NPSR1: variants seen among roughly 807,000 people sequenced by gnomAD.
NPSR1 encodes the protein neuropeptide S receptor.
A neutral mutation model predicts 46.9 loss-of-function variants in NPSR1; 48 were observed. That is an observed-to-expected ratio of 1.02 (90% CI 0.81 to 1.30). The LOEUF is 1.30. Among genes scored for constraint, NPSR1 ranks in the 50% most tolerant of loss-of-function variants. The pLI is 0.00. For missense variants in NPSR1, 450 were observed against 449.5 expected, an observed-to-expected ratio of 1.00 and a Z score of -0.01; for synonymous variants, 176 against 168.1, an observed-to-expected ratio of 1.05 and a Z score of -0.36.
At chr7:34,713,346 C>T (rs1346683481) in intron 2 of NPSR1, among the ~76,000 whole-genome samples, 2 of 151,780 alleles carry the variant, frequency 1.3e-5, no homozygotes, top group Non-Finnish European at 2.9e-5. Flanking sequence ...AGGAAAATGC[C>T]CAAAAATATT....
chr7:34,723,296 A>T (rs1034849996), intron 2 of NPSR1: 1 of 152,574 alleles, frequency 6.6e-6, no homozygotes, highest in Non-Finnish European at 1.5e-5. Context: ...TAGCAGAGTG[A>T]TGTCCCATTG....
chr7:34,786,145 G>A (rs1169302809), intron 3 of NPSR1, among the ~76,000 whole-genome samples: 1 of 152,076 alleles, frequency 6.6e-6, no homozygotes, highest in East Asian at 1.9e-4. Flanking sequence ...TTTCAAAATT[G>A]GAGTCAATTC....
intron 1 of NPSR1, among the ~76,000 whole-genome samples, chr7:34,672,611 A>G (rs1792115977): frequency 6.6e-6 from 1 of 152,240 alleles, no homozygotes; most frequent in East Asian, 1.9e-4. Context: ...TTCTGGTCAG[A>G]GTAGAAATGA....
At chr7:34,746,349 C>G (rs1227763966) in intron 2 of NPSR1, among the ~76,000 whole-genome samples, 1 of 152,196 alleles carries the variant, frequency 6.6e-6, no homozygotes, top group Non-Finnish European at 1.5e-5. Context: ...ACCCCATATT[C>G]ACATAACTTT....
intron 3 of NPSR1, chr7:34,779,609 C>A: frequency 1.6e-6 from 2 of 1,264,432 alleles, no homozygotes; most frequent in Admixed American, 3.8e-5. Flanking sequence ...TTCTTTTGTG[C>A]TCTGAATATA....
At chr7:34,845,437 T>G in intron 7 of NPSR1, 1 of 375,046 alleles carries the variant, frequency 2.7e-6, no homozygotes, top group Non-Finnish European at 5.2e-6. Flanking sequence ...TCCTGTCTTC[T>G]GCCCTTTCCT....
At chr7:34,784,898 T>A (rs1787390924) in intron 3 of NPSR1, among the ~76,000 whole-genome samples, 1 of 152,062 alleles carries the variant, frequency 6.6e-6, no homozygotes, top group African/African-American at 2.4e-5. Flanking sequence ...CTGGAGAGGA[T>A]GTGGAGAAAT....
chr7:34,759,259 A>C (rs1442254652), intron 2 of NPSR1, among the ~76,000 whole-genome samples: 1 of 151,764 alleles, frequency 6.6e-6, no homozygotes, highest in Non-Finnish European at 1.5e-5. Context: ...TCCTGTCTGA[A>C]TCAATGCTAT....
chr7:34,777,099 T>G (rs540127084), intron 2 of NPSR1, among the ~76,000 whole-genome samples: 1 of 152,278 alleles, frequency 6.6e-6, no homozygotes, highest in Admixed American at 6.5e-5. Flanking sequence ...CAGTAGTCCA[T>G]GTGCCTCCCC....
chr7:34,717,935 C>G (rs1309191069), intron 2 of NPSR1, among the ~76,000 whole-genome samples: 1 of 152,206 alleles, frequency 6.6e-6, no homozygotes, highest in Admixed American at 6.5e-5. Context: ...GGAAAAATGC[C>G]ACTGTGACCC....
At chr7:34,830,657 T>G (rs1423141672) in intron 5 of NPSR1, among the ~76,000 whole-genome samples, 1 of 152,222 alleles carries the variant, frequency 6.6e-6, no homozygotes, top group Non-Finnish European at 1.5e-5. Context: ...TTTTATTTTG[T>G]TTTTGATTAT....
In NPSR1 at chr7:34,771,159, A is replaced by G. The variant is rs566313599; in HGVS notation, c.281-7303A>G. On this transcript the variant is annotated intron_variant, in intron 2 of 8. Transcript: ENST00000360581. ...ACAGTGAAGATGCAGAAAGGGCGAG[A>G]TGCAGTGGCTCATACCTGTAATCCT... is the stretch of plus-strand genomic sequence containing the variant. Among the ~76,000 whole-genome samples, 6 of 152,258 alleles carry G rather than the reference A, an allele frequency of 3.9e-5. No individual in the cohort carries two copies. In the South Asian group the frequency reaches 1.2e-3, roughly 32 times the overall value.
chr7:34,815,209 G>A (rs911403675), intron 4 of NPSR1, among the ~76,000 whole-genome samples: 1 of 152,282 alleles, frequency 6.6e-6, no homozygotes, highest in East Asian at 1.9e-4. Context: ...AGAATAAACA[G>A]TGTAGAGAAG....
intron 2 of NPSR1, among the ~76,000 whole-genome samples, chr7:34,726,169 TAACA>T (rs1314178816): frequency 6.6e-6 from 1 of 152,038 alleles, no homozygotes; most frequent in Non-Finnish European, 1.5e-5. Context: ...AACAATAAGA[TAACA>T]AATAGCCCAA....
At chr7:34,765,469 A>T (rs975623993) in intron 2 of NPSR1, among the ~76,000 whole-genome samples, 3 of 152,236 alleles carry the variant, frequency 2.0e-5, no homozygotes, top group Admixed American at 2.0e-4. Context: ...TTTATACACT[A>T]TTGATGGAAA....
intron 6 of NPSR1, among the ~76,000 whole-genome samples, chr7:34,843,773 T>C (rs1313318714): frequency 2.0e-5 from 3 of 152,228 alleles, no homozygotes; most frequent in Non-Finnish European, 4.4e-5. Flanking sequence ...ACGTGAGAGC[T>C]GGGCAGTGCA....
At chr7:34,697,928 TG>T (rs1443428337) in intron 2 of NPSR1, among the ~76,000 whole-genome samples, 1 of 152,086 alleles carries the variant, frequency 6.6e-6, no homozygotes, top group Non-Finnish European at 1.5e-5. Context: ...ATAACAAGAT[TG>T]TCAGAGTAGA....
chr7:34,716,704 C>T (rs1783590339), intron 2 of NPSR1, among the ~76,000 whole-genome samples: 1 of 151,952 alleles, frequency 6.6e-6, no homozygotes, highest in Non-Finnish European at 1.5e-5. Flanking sequence ...GCCAGGTATC[C>T]CCTCACAATC....
chr7:34,781,578 C>T (rs569885247), intron 3 of NPSR1, among the ~76,000 whole-genome samples: 1 of 152,170 alleles, frequency 6.6e-6, no homozygotes. Context: ...GAGACACTAG[C>T]ATCTTTTCCC....
Sources: allele counts gnomAD v4.1 joint callset (sites outside exome capture counted in the v4.1 genomes callset), GRCh38; gene constraint gnomAD v4.1.1; transcripts MANE v1.5; gene names NCBI Gene and HGNC (gene_info 2026-07-23, HGNC 2026-07-21).